Variants in CRACDL observed in about 807,000 individuals in gnomAD.
CRACDL encodes the protein CRACD like.
CRACDL carries 26 observed loss-of-function variants against 70.6 expected under a neutral mutation model. The observed-to-expected ratio is 0.37, with a 90% CI of 0.27 to 0.51. The LOEUF (loss-of-function observed/expected upper bound fraction) is 0.51. CRACDL is among the 20% of genes least tolerant of loss of function. The pLI is 0.94. For missense variants in CRACDL, 1,283 were observed against 1,376.9 expected (o/e 0.93, Z 1.08); for synonymous variants, 618 against 615.2 (o/e 1.00, Z -0.07).
chr2:98,833,735 C>A (rs1705648843), intron 3 of CRACDL, among the ~76,000 whole-genome samples: 1 of 152,206 alleles, frequency 6.6e-6, no homozygotes, highest in South Asian at 2.1e-4. Flanking sequence ...GTTTTCCTAG[C>A]AGCACTGGCT....
Position 98,838,292 on chromosome 2 carries a change from A to G in CRACDL, c.71-5T>C, listed in dbSNP as rs184205199. Reference sequence around the variant, plus strand: ...TGAATTTAGATTTTTTCTTTCCTATACAGATTAGAGAAAAAAATAATAAAT... The same window carrying G: ...TGAATTTAGATTTTTTCTTTCCTATGCAGATTAGAGAAAAAAATAATAAAT... On this transcript the variant is annotated splice_region_variant and splice_polypyrimidine_tract_variant and intron_variant, in intron 2 of 9. Transcript: ENST00000397899. 437 of 1,518,388 alleles carry G rather than the reference A, an allele frequency of 2.9e-4. 3 individuals carry two copies. In the African/African-American group the frequency reaches 5.6e-3, roughly 19 times the overall value. The allele number at this position is 1,518,388 out of a possible 1,614,324, so 94.1% of individuals were successfully genotyped here. A position where few individuals can be genotyped will look rare whatever the true frequency, so the allele number is the denominator to read the frequency against.
intron 1 of CRACDL, among the ~76,000 whole-genome samples, chr2:98,856,426 TTC>T: frequency 6.6e-6 from 1 of 152,278 alleles, no homozygotes; most frequent in Admixed American, 6.5e-5. Flanking sequence ...CTGAGATGAT[TTC>T]TTGCTAGCAG....
At chr2:98,910,973 G>C (rs751726890) in intron 1 of CRACDL, among the ~76,000 whole-genome samples, 3 of 152,226 alleles carry the variant, frequency 2.0e-5, no homozygotes, top group Non-Finnish European at 2.9e-5. Context: ...GCTGGGCACA[G>C]AGAATCAGAA....
At chr2:98,883,247 A>ACTTTT (rs1228264556) in intron 1 of CRACDL, among the ~76,000 whole-genome samples, 2 of 152,248 alleles carry the variant, frequency 1.3e-5, no homozygotes, top group Admixed American at 6.5e-5. Context: ...CAAAAACAAA[A>ACTTTT]GAGACCACAA....
intron 1 of CRACDL, among the ~76,000 whole-genome samples, chr2:98,866,482 T>C (rs1707150912): frequency 1.9e-5 from 1 of 51,398 alleles, no homozygotes; most frequent in African/African-American, 1.1e-4. Flanking sequence ...CTTCTTTTTT[T>C]TTTTTTTTTT....
chr2:98,827,712 G>A (rs568923763), intron 5 of CRACDL, among the ~76,000 whole-genome samples: 1 of 152,338 alleles, frequency 6.6e-6, no homozygotes, highest in Admixed American at 6.5e-5. Flanking sequence ...CCAAGACCAT[G>A]CAGAGAACCT....
intron 1 of CRACDL, among the ~76,000 whole-genome samples, chr2:98,874,109 G>A (rs1455275675): frequency 3.3e-5 from 5 of 152,242 alleles, no homozygotes; most frequent in Non-Finnish European, 7.3e-5. Flanking sequence ...GCCCAATTGA[G>A]CACTTAAATT....
At chr2:98,811,516 C>CAAAAA (rs1199306759) in intron 7 of CRACDL, among the ~76,000 whole-genome samples, 16 of 49,604 alleles carry the variant, frequency 3.2e-4, no homozygotes, top group Non-Finnish European at 4.6e-4. Context: ...GACTCTGTCT[C>CAAAAA]AAAAAAAAAA....
At chr2:98,865,772 C>A (rs1707109673) in intron 1 of CRACDL, among the ~76,000 whole-genome samples, 1 of 151,806 alleles carries the variant, frequency 6.6e-6, no homozygotes, top group Admixed American at 6.6e-5. Context: ...ACCCTTTCTC[C>A]CTGAAGGTGT....
intron 3 of CRACDL, 59 bp downstream of exon 3, chr2:98,838,060 G>A: frequency 7.0e-7 from 1 of 1,426,690 alleles, no homozygotes; most frequent in Non-Finnish European, 9.5e-7. Flanking sequence ...CAAGTTACCA[G>A]GATAATGAAA....
rs185507970 is a variant in CRACDL, at chr2:98,915,189, C to T, written c.-11+20749G>A. Reference sequence around the variant, plus strand: ...AGAAGGCAGAAAAGGACATCACGTGCCAGACCTGAGGAGACTCAGGCTCAG... The same window carrying T: ...AGAAGGCAGAAAAGGACATCACGTGTCAGACCTGAGGAGACTCAGGCTCAG... On this transcript the variant is annotated intron_variant, in intron 1 of 9. Coordinates refer to ENST00000397899, the MANE Select transcript of CRACDL (RefSeq NM_207362.3). Among the ~76,000 whole-genome samples, 391 of 152,310 alleles carry T rather than the reference C, an allele frequency of 2.6e-3. 4 individuals carry two copies. The highest frequency in any genetic ancestry group is 4.0e-3 in the Non-Finnish European group (272 of 68,030).
chr2:98,931,679 C>T (rs1051814937), intron 1 of CRACDL, among the ~76,000 whole-genome samples: 3 of 152,216 alleles, frequency 2.0e-5, no homozygotes, highest in African/African-American at 2.4e-5. Flanking sequence ...CTTTTCAAAA[C>T]GAACTTCCAT....
At chr2:98,827,720 C>A (rs1409572082) in intron 5 of CRACDL, among the ~76,000 whole-genome samples, 1 of 152,218 alleles carries the variant, frequency 6.6e-6, no homozygotes, top group Non-Finnish European at 1.5e-5. Flanking sequence ...ATGCAGAGAA[C>A]CTGTGTCTCA....
At chr2:98,828,339 G>A (rs1005630106) in intron 5 of CRACDL, among the ~76,000 whole-genome samples, 1 of 152,188 alleles carries the variant, frequency 6.6e-6, no homozygotes, top group African/African-American at 2.4e-5. Flanking sequence ...ATTCGAGCAC[G>A]GTGTGCAATA....
At chr2:98,827,350 T>C (rs1705349754) in intron 5 of CRACDL, among the ~76,000 whole-genome samples, 181 bp from the exon 6 acceptor site, 1 of 152,218 alleles carries the variant, frequency 6.6e-6, no homozygotes, top group Non-Finnish European at 1.5e-5. Flanking sequence ...TCACCAAGGC[T>C]GGAGTGCAGT....
chr2:98,916,334 G>T (rs577923261), intron 1 of CRACDL, among the ~76,000 whole-genome samples: 6 of 152,334 alleles, frequency 3.9e-5, no homozygotes, highest in Admixed American at 3.3e-4. Flanking sequence ...TTGCCCTACA[G>T]GGGATCTGGG....
rs1010393414 is a variant in CRACDL, at chr2:98,794,309, C to A, written c.*223G>T. On this transcript the variant is annotated 3_prime_UTR_variant, in exon 10 of 10. Transcript: ENST00000397899. ...TTGGGCACAGGAACTGGTTCCTGGACTTTTTCAATGTTGTTCTTGTTTCTG... is the reference window on the plus strand; with the variant it reads ...TTGGGCACAGGAACTGGTTCCTGGAATTTTTCAATGTTGTTCTTGTTTCTG... The A allele has an allele frequency of 2.3e-6, 1 of 438,334 alleles. No individual in the cohort carries two copies. Among genetic ancestry groups the A allele is most frequent in the Non-Finnish European group, 4.0e-6 (1 of 248,126 alleles). The allele number at this position is 438,334 out of a possible 1,614,324, so 27.2% of individuals were successfully genotyped here. A position where few individuals can be genotyped will look rare whatever the true frequency, so the allele number is the denominator to read the frequency against.
chr2:98,925,558 C>T (rs1708891546), intron 1 of CRACDL, among the ~76,000 whole-genome samples: 1 of 152,162 alleles, frequency 6.6e-6, no homozygotes, highest in Non-Finnish European at 1.5e-5. Context: ...ACAGCACGCA[C>T]AGGCAGAGGG....
At chr2:98,820,097 T>C (rs1033198836) in intron 7 of CRACDL, among the ~76,000 whole-genome samples, 6 of 151,630 alleles carry the variant, frequency 4.0e-5, no homozygotes, top group African/African-American at 1.4e-4. Flanking sequence ...GGATTACAAG[T>C]GTGAGCCACC....
Sources: allele counts gnomAD v4.1 joint callset (sites outside exome capture counted in the v4.1 genomes callset), GRCh38; gene constraint gnomAD v4.1.1; transcripts MANE v1.5; gene names NCBI Gene and HGNC (gene_info 2026-07-23, HGNC 2026-07-21).